The following ROBO1 variants were observed in gnomAD, a reference collection of about 807,000 sequenced individuals.
ROBO1 encodes roundabout guidance receptor 1.
ROBO1 carries 149 observed loss-of-function variants against 195.9 expected under a neutral mutation model. That is an observed-to-expected ratio of 0.76 (90% CI 0.67 to 0.87). The LOEUF (loss-of-function observed/expected upper bound fraction) is 0.87. ROBO1 is among the 40% of genes least tolerant of loss of function. The pLI, the probability that ROBO1 is intolerant of heterozygous loss-of-function variation, is 0.00. For missense variants in ROBO1, 1,933 were observed against 2,068.3 expected (o/e 0.93, Z 1.27); for synonymous variants, 816 against 733.2 (o/e 1.11, Z -1.82).
At chr3:78,711,716 G>A (rs1383005613) in intron 8 of ROBO1, among the ~76,000 whole-genome samples, 1 of 150,266 alleles carries the variant, frequency 6.7e-6, no homozygotes, top group Non-Finnish European at 1.5e-5. Context: ...CTCGAACTCC[G>A]TACCTCAGGT....
At chr3:79,504,348 AATAT>A (rs1016995501) in intron 2 of ROBO1, among the ~76,000 whole-genome samples, 6 of 152,112 alleles carry the variant, frequency 3.9e-5, no homozygotes, top group African/African-American at 7.2e-5. Flanking sequence ...TAAATGTATA[AATAT>A]ATATTCATAT....
At chr3:78,668,095 T>C (rs757438877) in intron 13 of ROBO1, 39 bp downstream of exon 13, 2 of 1,610,002 alleles carry the variant, frequency 1.2e-6, no homozygotes, top group Admixed American at 1.7e-5. Flanking sequence ...TAATGGAGAA[T>C]CAAAAAAGAA....
At chr3:79,020,564 C>T (rs1347782587) in intron 3 of ROBO1, among the ~76,000 whole-genome samples, 2 of 151,828 alleles carry the variant, frequency 1.3e-5, no homozygotes, top group African/African-American at 4.8e-5. Context: ...TGGTGGCGTT[C>T]GCCTGTAGCC....
At chr3:79,242,352 T>TA (rs968204301) in intron 2 of ROBO1, among the ~76,000 whole-genome samples, 31 of 151,630 alleles carry the variant, frequency 2.0e-4, no homozygotes, top group African/African-American at 3.9e-4. Context: ...ATTCTCCACT[T>TA]AAAAAAAAAT....
At chr3:78,665,303 C>T (rs1189675185) in intron 14 of ROBO1, among the ~76,000 whole-genome samples, 1 of 152,158 alleles carries the variant, frequency 6.6e-6, no homozygotes, top group African/African-American at 2.4e-5. Context: ...CAACTGTATC[C>T]GTCAGTCGGT....
intron 19 of ROBO1, 75 bp downstream of exon 19, chr3:78,651,653 CATGA>C: frequency 8.4e-7 from 1 of 1,197,464 alleles, no homozygotes; most frequent in Non-Finnish European, 1.1e-6. Flanking sequence ...TATGCATAAT[CATGA>C]ATAATTTGGA....
intron 2 of ROBO1, among the ~76,000 whole-genome samples, chr3:79,417,243 A>T (rs1025245767): frequency 7.2e-5 from 11 of 152,200 alleles, no homozygotes; most frequent in Middle Eastern, 3.4e-3. Flanking sequence ...CTTTTTGATC[A>T]TTCACCCTGG....
chr3:79,621,414 G>T (rs960201099), intron 1 of ROBO1, among the ~76,000 whole-genome samples: 1 of 152,122 alleles, frequency 6.6e-6, no homozygotes, highest in Non-Finnish European at 1.5e-5. Context: ...AGCCTGTTTG[G>T]TGGTCTCTTC....
intron 2 of ROBO1, among the ~76,000 whole-genome samples, chr3:79,450,554 G>T (rs879333997): frequency 1.3e-5 from 2 of 151,874 alleles, no homozygotes; most frequent in Non-Finnish European, 2.9e-5. Context: ...AGAATTCATC[G>T]GTGAATTAAT....
chr3:78,889,431 G>A (rs913446511), intron 4 of ROBO1, among the ~76,000 whole-genome samples: 11 of 152,160 alleles, frequency 7.2e-5, no homozygotes, highest in African/African-American at 2.4e-4. Context: ...TTAGAGAGCC[G>A]TAAGTAGGAA....
chr3:79,458,552 C>G (rs190901651), intron 2 of ROBO1, among the ~76,000 whole-genome samples: 3 of 151,236 alleles, frequency 2.0e-5, no homozygotes, highest in African/African-American at 7.3e-5. Flanking sequence ...ACAAGAAAGA[C>G]GCCACTCTAG....
intron 3 of ROBO1, among the ~76,000 whole-genome samples, chr3:79,004,776 T>C (rs1417532617): frequency 2.0e-5 from 3 of 152,190 alleles, no homozygotes; most frequent in Non-Finnish European, 4.4e-5. Flanking sequence ...TAATTAGGCA[T>C]GTGTGCAATG....
chr3:79,052,675 C>G (rs2078724731), intron 3 of ROBO1, among the ~76,000 whole-genome samples: 1 of 152,072 alleles, frequency 6.6e-6, no homozygotes, highest in Non-Finnish European at 1.5e-5. Flanking sequence ...CTTTATTTCT[C>G]AGACTGGCCA....
chr3:79,534,190 C>T lies in ROBO1; in HGVS notation c.88+55634G>A, dbSNP rs550384371. 2.5e-4 allele frequency among the ~76,000 whole-genome samples: 35 copies of T among 142,416 alleles called. No individual in the cohort carries two copies. The East Asian group carries it at 7.3e-3, about 30-fold the overall frequency. The allele number at this position is 142,416 out of a possible 152,430, so 93.4% of individuals were successfully genotyped here. On this transcript the variant is annotated intron_variant, in intron 2 of 30. Transcript: ENST00000464233. ...AAAAAAAAAAAAATCAATTCTTCACCAGAGCATCCAGAAAAGAAAAACAGT... is the reference window on the plus strand; with the variant it reads ...AAAAAAAAAAAAATCAATTCTTCACTAGAGCATCCAGAAAAGAAAAACAGT...
chr3:79,583,005 T>G (rs1042744978), intron 2 of ROBO1, among the ~76,000 whole-genome samples: 3 of 151,982 alleles, frequency 2.0e-5, no homozygotes, highest in African/African-American at 7.2e-5. Context: ...ATCTGTGAAG[T>G]CTTTCATGCC....
At chr3:79,754,803 G>T (rs1330526107) in intron 1 of ROBO1, among the ~76,000 whole-genome samples, 2 of 152,132 alleles carry the variant, frequency 1.3e-5, no homozygotes. Flanking sequence ...TCTGGACAAA[G>T]CGCAAACAAT....
intron 4 of ROBO1, among the ~76,000 whole-genome samples, chr3:78,910,823 T>C (rs1295203966): frequency 1.3e-5 from 2 of 151,972 alleles, no homozygotes; most frequent in African/African-American, 4.8e-5. Context: ...AATGTTAAAG[T>C]ATATTTTCTA....
chr3:79,474,881 ACTAGC>A (rs1559925679), intron 2 of ROBO1, among the ~76,000 whole-genome samples: 1 of 152,080 alleles, frequency 6.6e-6, no homozygotes, highest in East Asian at 1.9e-4. Context: ...AAATAACAAC[ACTAGC>A]CTAGCAAATC....
At chr3:78,841,610 G>A (rs1231145987) in intron 4 of ROBO1, among the ~76,000 whole-genome samples, 1 of 151,732 alleles carries the variant, frequency 6.6e-6, no homozygotes, top group African/African-American at 2.4e-5. Context: ...TCTAACAAAA[G>A]CTAGATCCAT....
Sources: allele counts gnomAD v4.1 joint callset (sites outside exome capture counted in the v4.1 genomes callset), GRCh38; gene constraint gnomAD v4.1.1; transcripts MANE v1.5; gene names NCBI Gene and HGNC (gene_info 2026-07-23, HGNC 2026-07-21).